EYS: variants seen among roughly 807,000 people sequenced by gnomAD.
EYS encodes the protein protein eyes shut homolog.
Under a neutral mutation model 282.1 loss-of-function variants are expected in EYS, and 250 were observed. The ratio of observed to expected loss-of-function variants is 0.89; its 90% CI spans 0.80 to 0.98. The LOEUF (loss-of-function observed/expected upper bound fraction) is 0.98. Ranked by LOEUF, EYS falls within the 50% of genes least tolerant of loss-of-function variation. The pLI, the probability that EYS is intolerant of heterozygous loss-of-function variation, is 0.00. For missense variants in EYS, 4,016 were observed against 3,709.0 expected (o/e 1.08, Z -2.15); for synonymous variants, 1,355 against 1,282.9 (o/e 1.06, Z -1.20).
At chr6:65,400,960 G>C (rs1292122489) in intron 7 of EYS, among the ~76,000 whole-genome samples, 1 of 151,864 alleles carries the variant, frequency 6.6e-6, no homozygotes, top group Non-Finnish European at 1.5e-5. Context: ...AAAGTATGGT[G>C]TCTCCAGATC....
chr6:64,621,613 C>T (rs1767448976), intron 23 of EYS, among the ~76,000 whole-genome samples: 1 of 152,154 alleles, frequency 6.6e-6, no homozygotes, highest in South Asian at 2.1e-4. Context: ...AATGCAGCCA[C>T]CTCATCATCG....
intron 31 of EYS, among the ~76,000 whole-genome samples, chr6:64,205,541 A>G (rs1391627597): frequency 1.3e-5 from 2 of 152,194 alleles, no homozygotes; most frequent in Non-Finnish European, 2.9e-5. Flanking sequence ...CACTAACCAG[A>G]ACACATAATC....
intron 12 of EYS, among the ~76,000 whole-genome samples, chr6:65,121,706 C>A (rs577221194): frequency 6.6e-6 from 1 of 152,208 alleles, no homozygotes; most frequent in East Asian, 1.9e-4. Flanking sequence ...AGAACATTTT[C>A]TTCTCTCTGT....
At chr6:64,666,227 C>G (rs1029760047) in intron 22 of EYS, among the ~76,000 whole-genome samples, 1 of 152,062 alleles carries the variant, frequency 6.6e-6, no homozygotes, top group Non-Finnish European at 1.5e-5. Context: ...TTCAAGTGTA[C>G]CCCCAAACCT....
chr6:63,856,493 G>A (rs1772395069), intron 36 of EYS, among the ~76,000 whole-genome samples: 1 of 152,164 alleles, frequency 6.6e-6, no homozygotes, highest in Non-Finnish European at 1.5e-5. Flanking sequence ...TCTGACAGAG[G>A]CAAACAGTCA....
At chr6:63,904,251 C>G (rs192572785) in intron 35 of EYS, among the ~76,000 whole-genome samples, 12 of 152,218 alleles carry the variant, frequency 7.9e-5, no homozygotes, top group Admixed American at 5.9e-4. Context: ...CTCCTTGACC[C>G]GAGTTGTTTC....
chr6:64,008,450 T>C (rs1434309125), intron 33 of EYS, among the ~76,000 whole-genome samples: 1 of 152,222 alleles, frequency 6.6e-6, no homozygotes, highest in East Asian at 1.9e-4. Flanking sequence ...AATTGAGGCA[T>C]TTAGCCTGTT....
chr6:65,272,807 A>G (rs1767940757), intron 12 of EYS, among the ~76,000 whole-genome samples: 1 of 152,194 alleles, frequency 6.6e-6, no homozygotes, highest in Admixed American at 6.6e-5. Flanking sequence ...ATTAAAAAGT[A>G]TAACATATCT....
intron 7 of EYS, among the ~76,000 whole-genome samples, chr6:65,393,072 AC>A (rs1404763072): frequency 6.6e-6 from 1 of 151,972 alleles, no homozygotes; most frequent in Non-Finnish European, 1.5e-5. Flanking sequence ...TATGGCAAGA[AC>A]AAAAAACCAA....
chr6:65,354,228 C>A (rs1347034162), intron 8 of EYS, among the ~76,000 whole-genome samples: 1 of 152,044 alleles, frequency 6.6e-6, no homozygotes, highest in East Asian at 1.9e-4. Flanking sequence ...AAGACATCAA[C>A]CAGCATGAAA....
At chr6:64,821,746 C>A (rs763213407) in intron 20 of EYS, 23 bp from the exon 21 acceptor site, 67 of 1,334,912 alleles carry the variant, frequency 5.0e-5, no homozygotes, top group Non-Finnish European at 4.2e-6. Flanking sequence ...ATTAGAATTA[C>A]ATTTTCAAAT....
intron 8 of EYS, among the ~76,000 whole-genome samples, chr6:65,371,635 GTTA>G (rs778573979): frequency 2.0e-5 from 3 of 149,812 alleles, no homozygotes; most frequent in Non-Finnish European, 3.0e-5. Context: ...TGAGCCTCTG[GTTA>G]AAAGCTTACC....
intron 22 of EYS, among the ~76,000 whole-genome samples, chr6:64,759,338 C>T (rs1247857077): frequency 1.3e-5 from 2 of 152,110 alleles, no homozygotes; most frequent in East Asian, 3.9e-4. Flanking sequence ...CACCACTTCT[C>T]TTAGTCTATT....
intron 26 of EYS, among the ~76,000 whole-genome samples, chr6:64,547,132 C>A (rs1426081196): frequency 6.6e-6 from 1 of 152,118 alleles, no homozygotes; most frequent in Non-Finnish European, 1.5e-5. Flanking sequence ...GTGAGTGTTA[C>A]AGCTCATAAA....
chr6:65,354,746 C>T (rs1181442052), intron 8 of EYS, among the ~76,000 whole-genome samples: 5 of 151,658 alleles, frequency 3.3e-5, no homozygotes, highest in Non-Finnish European at 5.9e-5. Context: ...GAACCAGGGA[C>T]GCAGAGATTG....
In EYS at chr6:65,091,245, C is replaced by T. The variant is rs563147901; in HGVS notation, c.2024-33518G>A. On this transcript the variant is annotated intron_variant, in intron 12 of 42. Coordinates refer to ENST00000503581, the MANE Select transcript of EYS (RefSeq NM_001142800.2). ...GATCAGGAGTTTGAGACCAGCCTGG[C>T]CAACATGGTGAAACCCCATCTCCCC... is the stretch of plus-strand genomic sequence containing the variant. Among the ~76,000 whole-genome samples, 68 of 138,536 alleles carry T rather than the reference C, an allele frequency of 4.9e-4. 2 individuals carry two copies. The highest frequency in any genetic ancestry group is 1.7e-3 in the African/African-American group (61 of 36,216). The allele number at this position is 138,536 out of a possible 152,430, so 90.9% of individuals were successfully genotyped here. A position where few individuals can be genotyped will look rare whatever the true frequency, so the allele number is the denominator to read the frequency against.
At chr6:65,194,196 T>A (rs1273943235) in intron 12 of EYS, among the ~76,000 whole-genome samples, 2 of 151,968 alleles carry the variant, frequency 1.3e-5, no homozygotes, top group African/African-American at 4.8e-5. Context: ...CATTTGTCAA[T>A]GCAACTTTTC....
At chr6:65,351,361 T>C (rs1264725686) in intron 9 of EYS, among the ~76,000 whole-genome samples, 1 of 151,796 alleles carries the variant, frequency 6.6e-6, no homozygotes, top group South Asian at 2.1e-4. Context: ...TAAATATGCA[T>C]ACACTGTTTT....
intron 36 of EYS, among the ~76,000 whole-genome samples, chr6:63,855,378 C>G (rs1221856501): frequency 6.6e-6 from 1 of 152,170 alleles, no homozygotes; most frequent in Admixed American, 6.6e-5. Context: ...GGTATCTTAT[C>G]GCACTAGTGT....
Sources: allele counts gnomAD v4.1 joint callset (sites outside exome capture counted in the v4.1 genomes callset), GRCh38; gene constraint gnomAD v4.1.1; transcripts MANE v1.5; gene names NCBI Gene and HGNC (gene_info 2026-07-23, HGNC 2026-07-21).